The following ADAMTS17 variants were observed in gnomAD, a reference collection of about 807,000 sequenced individuals.
The protein encoded by ADAMTS17 is A disintegrin and metalloproteinase with thrombospondin motifs 17.
ADAMTS17 carries 113 observed loss-of-function variants against 141.5 expected under a neutral mutation model. The ratio of observed to expected loss-of-function variants is 0.80; its 90% confidence interval spans 0.69 to 0.93. ADAMTS17 has a LOEUF of 0.93. Ranked by LOEUF, ADAMTS17 falls within the 40% of genes least tolerant of loss-of-function variation. The pLI, the probability that ADAMTS17 is intolerant of heterozygous loss-of-function variation, is 0.00. For missense variants in ADAMTS17, 1,659 were observed against 1,517.9 expected, an observed-to-expected ratio of 1.09 and a Z score of -1.54; for synonymous variants, 768 against 630.6, an observed-to-expected ratio of 1.22 and a Z score of -3.27.
chr15:100,324,185 G>A (rs1017822645), intron 3 of ADAMTS17, among the ~76,000 whole-genome samples: 13 of 152,008 alleles, frequency 8.6e-5, no homozygotes, highest in African/African-American at 2.9e-4. Context: ...GGCACCTGTG[G>A]TCCCAGCTAC....
rs555201429 is a variant in ADAMTS17, at chr15:99,973,660, G to T, written c.*742C>A. ...GAGAGGCCCTTCTGTTTCCCTACAC[G>T]GTGGACAGCAGAGCTCTGAAAATTA... On this transcript the variant is annotated 3_prime_UTR_variant, in exon 22 of 22. Coordinates refer to ENST00000268070, the MANE Select transcript of ADAMTS17 (RefSeq NM_139057.4). The T allele has an allele frequency of 6.5e-6, 1 of 153,250 alleles. No homozygotes were observed. The highest frequency in any genetic ancestry group is 1.5e-5 in the Non-Finnish European group (1 of 68,912). The allele number at this position is 153,250 out of a possible 1,614,324, so 9.5% of individuals were successfully genotyped here.
At chr15:99,983,199 G>A (rs1166113172) in intron 20 of ADAMTS17, among the ~76,000 whole-genome samples, 1 of 152,156 alleles carries the variant, frequency 6.6e-6, no homozygotes, top group Non-Finnish European at 1.5e-5. Flanking sequence ...CCTGTCTGCT[G>A]TGTACGGGGG....
intron 18 of ADAMTS17, among the ~76,000 whole-genome samples, chr15:100,041,744 G>A (rs774184991): frequency 6.6e-6 from 1 of 152,210 alleles, no homozygotes; most frequent in Non-Finnish European, 1.5e-5. Context: ...TTACAGCAGG[G>A]TTTGGGAGAA....
At position 100,267,967 on chromosome 15, in the gene ADAMTS17, T is replaced by G. The variant is rs370599600; in HGVS notation, c.790-5532A>C. 1.7e-4 allele frequency among the ~76,000 whole-genome samples: 26 copies of G among 152,330 alleles called. No individual in the cohort carries two copies. The East Asian group carries it at 2.5e-3, about 15-fold the overall frequency. On this transcript the variant is annotated intron_variant, in intron 4 of 21. Transcript: ENST00000268070. ...CTATCAAATACTGTAACTTATCCAT[T>G]TTTGTAACTATTTTATTGTTGCCAT...
chr15:100,106,135 T>C (rs1246864980), intron 14 of ADAMTS17, among the ~76,000 whole-genome samples: 1 of 152,164 alleles, frequency 6.6e-6, no homozygotes, highest in East Asian at 1.9e-4. Context: ...TAGCTGGAAC[T>C]ACAGGCCTCC....
intron 7 of ADAMTS17, among the ~76,000 whole-genome samples, chr15:100,251,082 T>TA (rs1567430158): frequency 3.3e-5 from 5 of 151,972 alleles, no homozygotes; most frequent in African/African-American, 1.2e-4. Context: ...TTTAATTTTT[T>TA]TAAAAAAGAA....
intron 7 of ADAMTS17, 110 bp from the exon 8 acceptor site, chr15:100,199,533 C>T: frequency 1.1e-6 from 1 of 897,912 alleles, no homozygotes; most frequent in Non-Finnish European, 1.9e-6. Flanking sequence ...CACACGGCAA[C>T]AATGGTGACT....
At chr15:100,281,190 A>G (rs771506305) in intron 4 of ADAMTS17, 39 bp downstream of exon 4, 1 of 1,599,098 alleles carries the variant, frequency 6.3e-7, no homozygotes, top group Admixed American at 1.7e-5. Context: ...CAAGGAGAAA[A>G]CAGAGCCCCC....
chr15:100,194,201 T>C (rs1482188470), intron 8 of ADAMTS17, among the ~76,000 whole-genome samples: 1 of 151,986 alleles, frequency 6.6e-6, no homozygotes, highest in African/African-American at 2.4e-5. Flanking sequence ...CTCCCAGGAG[T>C]TTGCTGCCTT....
At chr15:100,080,069 C>A (rs1596366914) in intron 15 of ADAMTS17, among the ~76,000 whole-genome samples, 1 of 152,288 alleles carries the variant, frequency 6.6e-6, no homozygotes, top group African/African-American at 2.4e-5. Flanking sequence ...CTCCCATAGC[C>A]AGGATTCACG....
intron 8 of ADAMTS17, among the ~76,000 whole-genome samples, chr15:100,160,885 C>G (rs1395436334): frequency 1.3e-5 from 2 of 152,240 alleles, no homozygotes; most frequent in Non-Finnish European, 2.9e-5. Flanking sequence ...AGGCTGACAT[C>G]AACTACTGTC....
At chr15:100,012,613 T>G (rs2061208557) in intron 18 of ADAMTS17, among the ~76,000 whole-genome samples, 1 of 152,254 alleles carries the variant, frequency 6.6e-6, no homozygotes, top group Non-Finnish European at 1.5e-5. Context: ...GTCTAGCCAA[T>G]TATCCCAGCA....
chr15:100,082,344 G>C (rs1356597358), intron 15 of ADAMTS17, among the ~76,000 whole-genome samples: 1 of 151,418 alleles, frequency 6.6e-6, no homozygotes, highest in Admixed American at 6.6e-5. Flanking sequence ...GATTACAGGC[G>C]TGAGCCACCG....
intron 8 of ADAMTS17, among the ~76,000 whole-genome samples, chr15:100,160,153 T>C (rs889558627): frequency 6.6e-6 from 1 of 152,182 alleles, no homozygotes; most frequent in African/African-American, 2.4e-5. Flanking sequence ...TTGAGAAATA[T>C]TCAAGTCCCT....
intron 4 of ADAMTS17, among the ~76,000 whole-genome samples, chr15:100,264,011 G>A (rs528530575): frequency 1.3e-5 from 2 of 152,208 alleles, no homozygotes; most frequent in African/African-American, 2.4e-5. Context: ...GGAATCAGCC[G>A]TGTCACTGCT....
At chr15:100,048,755 A>G (rs1175178523) in intron 18 of ADAMTS17, 102 bp downstream of exon 18, 13 of 1,537,908 alleles carry the variant, frequency 8.5e-6, no homozygotes, top group Non-Finnish European at 1.2e-5. Flanking sequence ...GGAACACAGC[A>G]TAGAGCAGTA....
intron 18 of ADAMTS17, among the ~76,000 whole-genome samples, chr15:100,008,088 G>A (rs879452444): frequency 4.6e-5 from 7 of 152,114 alleles, no homozygotes; most frequent in Non-Finnish European, 1.0e-4. Flanking sequence ...GAGGCCTCAG[G>A]GGGAAGCAGG....
Position 100,189,160 on chromosome 15 carries a change from C to G in ADAMTS17, c.1181+10158G>C, listed in dbSNP as rs112677051. Among the ~76,000 whole-genome samples the G allele has an allele frequency of 4.6e-5, 7 of 152,216 alleles. No individual in the cohort carries two copies. In the East Asian group the frequency reaches 1.2e-3, roughly 25 times the overall value. The stretch of plus-strand genomic sequence containing the variant: ...AGACTACACTGTGAAGTGCAAGGCA[C>G]GAGTTGAAGTCCTAGGGTGCCTCTC... On this transcript the variant is annotated intron_variant, in intron 8 of 21. Transcript: ENST00000268070.
chr15:100,232,820 C>G (rs2042528419), intron 7 of ADAMTS17, among the ~76,000 whole-genome samples: 1 of 152,178 alleles, frequency 6.6e-6, no homozygotes, highest in Non-Finnish European at 1.5e-5. Context: ...TTTGCGTCTT[C>G]AGGTCTCGGT....
Sources: allele counts gnomAD v4.1 joint callset (sites outside exome capture counted in the v4.1 genomes callset), GRCh38; gene constraint gnomAD v4.1.1; transcripts MANE v1.5; gene names NCBI Gene and HGNC (gene_info 2026-07-23, HGNC 2026-07-21).